The following RFLNA variants were observed in gnomAD, a reference collection of about 807,000 sequenced individuals.
RFLNA encodes the protein refilin A, also known as refilin-A.
Under a neutral mutation model 7.8 loss-of-function variants are expected in RFLNA, and 5 were observed. That is an observed-to-expected ratio of 0.64 (90% CI 0.34 to 1.35). The LOEUF is 1.35. RFLNA is among the 40% of genes most tolerant of loss of function. The pLI is 0.04. For synonymous variants in RFLNA, 141 were observed against 131.3 expected (o/e 1.07, Z -0.50); for missense variants, 278 against 305.5 (o/e 0.91, Z 0.67).
In RFLNA at chr12:124,311,803, T is replaced by C. The variant is rs761736318; in HGVS notation, c.208-15T>C. On this transcript the variant is annotated splice_polypyrimidine_tract_variant and intron_variant, in intron 1 of 2. Transcript: ENST00000546355. Reference sequence around the variant, plus strand: ...AAGGGGCTGCATAACCCCGTGTCCCTGGCTCTCCCCACAGCCCCCCTCCCA... The same window carrying C: ...AAGGGGCTGCATAACCCCGTGTCCCCGGCTCTCCCCACAGCCCCCCTCCCA... 2 of 1,562,698 alleles carry C rather than the reference T, an allele frequency of 1.3e-6. No individual in the cohort carries two copies. The highest frequency in any genetic ancestry group is 2.8e-5 in the African/African-American group (2 of 72,592).
At chr12:124,301,471 T>A (rs904644) in intron 1 of RFLNA, among the ~76,000 whole-genome samples, 116,185 of 152,108 alleles carry the variant, frequency 0.76, 46,683 homozygotes, top group Non-Finnish European at 0.9. Context: ...GCAGGTGTGG[T>A]CTGTCCTGTC....
intron 1 of RFLNA, among the ~76,000 whole-genome samples, chr12:124,298,487 G>A (rs1258922559): frequency 1.3e-5 from 2 of 152,194 alleles, no homozygotes; most frequent in Non-Finnish European, 2.9e-5. Flanking sequence ...TGGAGCAAAG[G>A]TGGGAACATT....
upstream of RFLNA, among the ~76,000 whole-genome samples, chr12:124,293,988 C>T (rs2033860642): frequency 6.6e-6 from 1 of 152,210 alleles, no homozygotes; most frequent in Admixed American, 6.5e-5. Context: ...GACTCACAGC[C>T]TTAGCTTCCT....
upstream of RFLNA, among the ~76,000 whole-genome samples, chr12:124,294,870 C>T (rs2033876509): frequency 6.6e-6 from 1 of 152,368 alleles, no homozygotes; most frequent in South Asian, 2.1e-4. Context: ...CTTGGGGACC[C>T]CACAAGGCAC....
rs1178941581 is a variant in RFLNA, at chr12:124,306,472, G to T, written c.208-5346G>T. Among the ~76,000 whole-genome samples the T allele has an allele frequency of 6.6e-6, 1 of 152,114 alleles. No homozygotes were observed. The highest frequency in any genetic ancestry group is 1.5e-5 in the Non-Finnish European group (1 of 68,016). ...GGGAATCCTTGAGCCTGTGTCGGGG[G>T]AGCCTGGAGCTGAGGGGGCAGCGAT... is the stretch of plus-strand genomic sequence containing the variant. On this transcript the variant is annotated intron_variant, in intron 1 of 2. Coordinates refer to ENST00000546355, the MANE Select transcript of RFLNA (RefSeq NM_001365156.1). The surrounding 1 kb of genome is among the most constrained non-coding windows in gnomAD (Gnocchi z 5.2).
chr12:124,297,440 G>C (rs990261224), intron 1 of RFLNA, among the ~76,000 whole-genome samples: 13 of 152,126 alleles, frequency 8.5e-5, no homozygotes, highest in African/African-American at 3.1e-4. Flanking sequence ...CGTGTGCCAG[G>C]ATAACTGTCC....
chr12:124,313,223 G>C (rs1487169240), intron 2 of RFLNA, among the ~76,000 whole-genome samples: 2 of 152,282 alleles, frequency 1.3e-5, no homozygotes, highest in Non-Finnish European at 2.9e-5. Flanking sequence ...ACCTCTGGGG[G>C]TTCAGTGGGG....
chr12:124,296,547 C>G (rs2033932904), intron 1 of RFLNA, among the ~76,000 whole-genome samples: 1 of 152,166 alleles, frequency 6.6e-6, no homozygotes, highest in African/African-American at 2.4e-5. Context: ...GGCGTGTGTG[C>G]TGGCTCCACT....
Position 124,309,581 on chromosome 12 carries a change from A to G in RFLNA, c.208-2237A>G, listed in dbSNP as rs146543778. Among the ~76,000 whole-genome samples the G allele has an allele frequency of 4.4e-4, 67 of 152,342 alleles. No homozygotes were observed. In the East Asian group the frequency reaches 0.013, roughly 29 times the overall value. On this transcript the variant is annotated intron_variant, in intron 1 of 2. Coordinates refer to ENST00000546355, the MANE Select transcript of RFLNA (RefSeq NM_001365156.1). ...GGGTCTATTATTCATAACCTCAGTG[A>G]TGAACAAGCTATCTGAAAAATAGGC... is the stretch of plus-strand genomic sequence containing the variant.
chr12:124,311,890 A>T lies in RFLNA; in HGVS notation c.280A>T (p.Ser94Cys). 6.3e-7 allele frequency: 1 copy of T among 1,594,276 alleles called. No individual in the cohort carries two copies. Among genetic ancestry groups the T allele is most frequent in the Non-Finnish European group, 8.5e-7 (1 of 1,170,790 alleles). Residue 94 changes from serine (S) to cysteine (C), a missense_variant, in exon 2 of 3, where the codon AGC becomes TGC. Transcript: ENST00000546355. ...PRMLPVFFGESIKVNPEPTHE... is the reference protein window; with the variant it reads ...PRMLPVFFGECIKVNPEPTHE... ...GATGCTGCCAGTGTTCTTTGGGGAGAGCATCAAGGTGAACCCGGAACCCAC... is the reference window on the plus strand; with the variant it reads ...GATGCTGCCAGTGTTCTTTGGGGAGTGCATCAAGGTGAACCCGGAACCCAC...
chr12:124,305,479 C>T (rs3863383), intron 1 of RFLNA, among the ~76,000 whole-genome samples: 116,555 of 152,176 alleles, frequency 0.77, 46,857 homozygotes, highest in Non-Finnish European at 0.9. Flanking sequence ...TCAAACGGCA[C>T]GAATTTGTTA....
intron 2 of RFLNA, among the ~76,000 whole-genome samples, chr12:124,313,694 G>T (rs1408470429): frequency 1.3e-5 from 2 of 150,550 alleles, no homozygotes; most frequent in Non-Finnish European, 3.0e-5. Flanking sequence ...AAAAAAAAAA[G>T]GTTGCATGTG....
Position 124,295,277 on chromosome 12 carries a change from C to T in RFLNA, c.-153C>T, listed in dbSNP as rs2033886349. ...GCTGCAGGCCCGCGGGGATCCGGGG[C>T]GCGGGGGGCGCCGGGCCTGATCGCC... On this transcript the variant is annotated 5_prime_UTR_variant, in exon 1 of 3. Transcript: ENST00000546355. The T allele has an allele frequency of 5.0e-6, 1 of 200,552 alleles. No individual in the cohort carries two copies. The highest frequency in any genetic ancestry group is 9.1e-6 in the Non-Finnish European group (1 of 110,088). The allele number at this position is 200,552 out of a possible 1,614,324, so 12.4% of individuals were successfully genotyped here.
At position 124,295,594 on chromosome 12, in the gene RFLNA, C is replaced by G. The variant is rs925492357; in HGVS notation, c.165C>G (p.Ala55=). 3.3e-6 allele frequency: 4 copies of G among 1,221,568 alleles called. No homozygotes were observed. The highest frequency in any genetic ancestry group is 4.1e-6 in the Non-Finnish European group (4 of 983,068). 75.7% of individuals were successfully genotyped at this position (1,221,568 alleles called of 1,614,324 possible). Residue 55 remains alanine (A), a synonymous_variant, in exon 1 of 3, where the codon GCC becomes GCG. Coordinates refer to ENST00000546355, the MANE Select transcript of RFLNA (RefSeq NM_001365156.1). ...PGILDARAGG[A]GASSEPPGPS... is the part of the protein sequence containing the mutation. ...TCCTCGACGCGCGCGCGGGGGGCGC[C>G]GGCGCCTCCTCGGAGCCCCCGGGAC...
intron 2 of RFLNA, among the ~76,000 whole-genome samples, chr12:124,312,794 CATATG>C (rs1173373873): frequency 0.17 from 54 of 326 alleles, no homozygotes; most frequent in Non-Finnish European, 0.36. Flanking sequence ...CCCTCCCATG[CATATG>C]ACGCATATGA....
In RFLNA at chr12:124,314,466, G is replaced by A. The variant is rs370975978; in HGVS notation, c.592G>A (p.Val198Met). 17 of 1,599,408 alleles carry A rather than the reference G, an allele frequency of 1.1e-5. No individual in the cohort carries two copies. Among genetic ancestry groups the A allele is most frequent in the African/African-American group, 6.7e-5 (5 of 74,902 alleles). Residue 198 changes from valine (V) to methionine (M), a missense_variant, in exon 3 of 3, where the codon GTG becomes ATG. Physicochemically the swap from Val to Met is conservative, Grantham distance 21. Coordinates refer to ENST00000546355, the MANE Select transcript of RFLNA (RefSeq NM_001365156.1). ...GRPSRWFTAS[V>M]QLQLCQDPAP... Reference sequence around the variant, plus strand: ...GCCCAGCCGCTGGTTCACCGCCAGCGTGCAGCTGCAGCTTTGCCAGGACCC... The same window carrying A: ...GCCCAGCCGCTGGTTCACCGCCAGCATGCAGCTGCAGCTTTGCCAGGACCC...
In RFLNA at chr12:124,314,914, C is replaced by T. The variant is rs965982560; in HGVS notation, c.*389C>T. The T allele has an allele frequency of 8.7e-5, 33 of 378,624 alleles. No homozygotes were observed. The highest frequency in any genetic ancestry group is 4.0e-4 in the South Asian group (19 of 47,872). 23.5% of individuals were successfully genotyped at this position (378,624 alleles called of 1,614,324 possible). A position where few individuals can be genotyped will look rare whatever the true frequency, so the allele number is the denominator to read the frequency against. ...GCATCCCAGCCTCAGCCGGTGGGGA[C>T]GGCTGCCACTCCCCCAGAGCCCTGC... On this transcript the variant is annotated 3_prime_UTR_variant, in exon 3 of 3. Coordinates refer to ENST00000546355, the MANE Select transcript of RFLNA (RefSeq NM_001365156.1).
rs889467575 is a variant in RFLNA, at chr12:124,289,501, C to T, written c.-37+131C>T. 2.6e-5 allele frequency: 4 copies of T among 152,226 alleles called. No individual in the cohort carries two copies. Among genetic ancestry groups the T allele is most frequent in the Admixed American group, 2.6e-4 (4 of 15,276 alleles). 9.4% of individuals were successfully genotyped at this position (152,226 alleles called of 1,614,324 possible). On this transcript the variant is annotated intron_variant, in intron 1 of 2. Transcript: ENST00000324038. The surrounding 1 kb of genome is among the most constrained non-coding windows in gnomAD (Gnocchi z 5.0). ...AAAGCACTGGGAATCTGGAGGCTGT[C>T]CTGGACACGCACATACAAATGGCAG...
Position 124,315,186 on chromosome 12 carries a change from C to G in RFLNA, c.*661C>G, listed in dbSNP as rs1317257665. ...TGGGGGCGGGGAAGGCCTAGAAATA[C>G]TTTGAGCCATGGCCTTGCCAGTGTC... is the stretch of plus-strand genomic sequence containing the variant. On this transcript the variant is annotated 3_prime_UTR_variant, in exon 3 of 3. Transcript: ENST00000546355. The G allele has an allele frequency of 1.2e-5, 2 of 168,072 alleles. No individual in the cohort carries two copies. The highest frequency in any genetic ancestry group is 4.8e-5 in the African/African-American group (2 of 41,806). 10.4% of individuals were successfully genotyped at this position (168,072 alleles called of 1,614,324 possible). A position where few individuals can be genotyped will look rare whatever the true frequency, so the allele number is the denominator to read the frequency against.
Sources: gnomAD v4.1 joint callset for allele counts (sites outside exome capture counted in the v4.1 genomes callset) on GRCh38, gnomAD v4.1.1 for gene constraint, Gnocchi (gnomAD v3.1) non-coding constraint, MANE v1.5 for transcripts, NCBI Gene and HGNC (gene_info 2026-07-23, HGNC 2026-07-21) for gene names.